HTR4: variants seen among roughly 807,000 people sequenced by gnomAD.
The protein encoded by HTR4 is 5-hydroxytryptamine (serotonin) receptor 4, G protein-coupled.
HTR4 carries 16 observed loss-of-function variants against 36.8 expected under a neutral mutation model. That is an observed-to-expected ratio of 0.43 (90% CI 0.29 to 0.66). The LOEUF (loss-of-function observed/expected upper bound fraction) is 0.66. HTR4 is among the 30% of genes least tolerant of loss of function. HTR4 has a pLI of 0.13. For missense variants in HTR4, 438 were observed against 490.9 expected, an observed-to-expected ratio of 0.89 and a Z score of 1.02; for synonymous variants, 189 against 185.1, an observed-to-expected ratio of 1.02 and a Z score of -0.17.
At chr5:148,596,906 C>T (rs1293384213) in intron 2 of HTR4, among the ~76,000 whole-genome samples, 1 of 152,140 alleles carries the variant, frequency 6.6e-6, no homozygotes, top group East Asian at 1.9e-4. Flanking sequence ...AGCTAATAGC[C>T]TTATGAAATA....
At position 148,528,027 on chromosome 5, in the gene HTR4, G is replaced by A. The variant is rs554621457; in HGVS notation, c.354-4681C>T. On this transcript the variant is annotated intron_variant, in intron 4 of 6. Coordinates refer to ENST00000377888, the MANE Select transcript of HTR4 (RefSeq NM_000870.7). The stretch of plus-strand genomic sequence containing the variant: ...GCTAAGGTGGAATACATCCAAACAT[G>A]CCCAAACACAGATGTAGAAATTTGC... Among the ~76,000 whole-genome samples the A allele has an allele frequency of 7.2e-5, 11 of 152,288 alleles. No homozygotes were observed. In the South Asian group the frequency reaches 2.3e-3, roughly 32 times the overall value.
chr5:148,470,731 C>G (rs1290609692), intron 5 of HTR4, among the ~76,000 whole-genome samples: 1 of 152,156 alleles, frequency 6.6e-6, no homozygotes, highest in Non-Finnish European at 1.5e-5. Flanking sequence ...TTCTGCTGCC[C>G]AGGCTAGAGT....
rs565571691 is a variant in HTR4, at chr5:148,536,105, T to C, written c.353+12563A>G. Among the ~76,000 whole-genome samples, 10 of 152,236 alleles carry C rather than the reference T, an allele frequency of 6.6e-5. No homozygotes were observed. In the South Asian group the frequency reaches 2.1e-3, roughly 32 times the overall value. ...TAATCAACATTCTTAAAGAAATATC[T>C]TCAACCAAGAATTTCATATCCAGCC... On this transcript the variant is annotated intron_variant, in intron 4 of 6. Coordinates refer to ENST00000377888, the MANE Select transcript of HTR4 (RefSeq NM_000870.7).
chr5:148,587,106 G>C (rs1333988098), intron 2 of HTR4, among the ~76,000 whole-genome samples: 1 of 152,098 alleles, frequency 6.6e-6, no homozygotes, highest in Non-Finnish European at 1.5e-5. Context: ...TATCGTACCT[G>C]CTGGACCTCT....
intron 2 of HTR4, among the ~76,000 whole-genome samples, chr5:148,587,693 C>A (rs1483813913): frequency 6.6e-6 from 1 of 152,090 alleles, no homozygotes; most frequent in African/African-American, 2.4e-5. Context: ...TCTTTCCAAG[C>A]AGGGTGTGTG....
chr5:148,557,453 G>A (rs934100847), intron 2 of HTR4, among the ~76,000 whole-genome samples: 11 of 152,192 alleles, frequency 7.2e-5, no homozygotes, highest in Admixed American at 2.0e-4. Flanking sequence ...TAGGACATTC[G>A]AGTGAAGACG....
At chr5:148,542,007 G>A (rs1415304385) in intron 4 of HTR4, among the ~76,000 whole-genome samples, 1 of 151,578 alleles carries the variant, frequency 6.6e-6, no homozygotes, top group East Asian at 1.9e-4. Context: ...CAATTTTACT[G>A]TAATTATCTG....
intron 1 of HTR4, among the ~76,000 whole-genome samples, chr5:148,647,601 C>A (rs893185484): frequency 2.6e-5 from 4 of 152,190 alleles, no homozygotes; most frequent in Non-Finnish European, 1.5e-5. Flanking sequence ...GTAATCCCAG[C>A]ACTTTGGGAG....
intron 4 of HTR4, among the ~76,000 whole-genome samples, chr5:148,540,421 T>TATATATAC (rs1281208092): frequency 1.5e-5 from 2 of 132,676 alleles, no homozygotes; most frequent in African/African-American, 5.8e-5. Context: ...TATATATATA[T>TATATATAC]ATATATATAT....
At position 148,456,566 on chromosome 5, in the gene HTR4, C is replaced by T. The variant is rs41531052; in HGVS notation, c.1077-5294G>A. Among the ~76,000 whole-genome samples, 861 of 152,340 alleles carry T rather than the reference C, an allele frequency of 5.7e-3. 36 individuals carry two copies. The East Asian group carries it at 0.11, about 19-fold the overall frequency. ...GGCATGGTCAAATAAGTTACTCCCACCTCCTTGACACCTTTGTTGTGAAAG... is the reference window on the plus strand; with the variant it reads ...GGCATGGTCAAATAAGTTACTCCCATCTCCTTGACACCTTTGTTGTGAAAG... On this transcript the variant is annotated intron_variant, in intron 5 of 5. Coordinates refer to the HTR4 transcript ENST00000521530.
chr5:148,520,791 G>T (rs1757977138), intron 5 of HTR4: 1 of 1,056,362 alleles, frequency 9.5e-7, no homozygotes, highest in East Asian at 5.3e-5. Flanking sequence ...TTTCCTCCAG[G>T]AATGGTGAAA....
intron 6 of HTR4, among the ~76,000 whole-genome samples, chr5:148,504,259 G>A (rs769803147): frequency 6.6e-6 from 1 of 152,102 alleles, no homozygotes. Context: ...ACACTCTTCA[G>A]CAAACGTAAA....
At chr5:148,631,648 T>C (rs1278096056) in intron 2 of HTR4, among the ~76,000 whole-genome samples, 1 of 152,182 alleles carries the variant, frequency 6.6e-6, no homozygotes, top group Non-Finnish European at 1.5e-5. Flanking sequence ...AAATCAACTT[T>C]TCTGTTTAAA....
intron 2 of HTR4, among the ~76,000 whole-genome samples, chr5:148,627,314 C>T (rs1011957310): frequency 2.0e-5 from 3 of 151,796 alleles, no homozygotes; most frequent in Non-Finnish European, 2.9e-5. Context: ...CTATTACCAA[C>T]ATTTTTTGAA....
chr5:148,618,668 C>T lies in HTR4; in HGVS notation c.26+18321G>A, dbSNP rs147417266. ...ATCCTTTGTTGATTTTAACCTTGCA[C>T]ACACCTTTAACTCATTTGTGCCTGC... On this transcript the variant is annotated intron_variant, in intron 2 of 6. Coordinates refer to ENST00000377888, the MANE Select transcript of HTR4 (RefSeq NM_000870.7). Among the ~76,000 whole-genome samples the T allele has an allele frequency of 5.3e-5, 8 of 152,338 alleles. No individual in the cohort carries two copies. The East Asian group carries it at 1.4e-3, about 26-fold the overall frequency.
intron 5 of HTR4, among the ~76,000 whole-genome samples, chr5:148,454,138 C>A (rs1231783899): frequency 6.6e-6 from 1 of 152,188 alleles, no homozygotes; most frequent in African/African-American, 2.4e-5. Flanking sequence ...CCCATTCAGG[C>A]TCTACCACTT....
intron 1 of HTR4, among the ~76,000 whole-genome samples, chr5:148,649,494 T>TA (rs1157615407): frequency 1.3e-5 from 2 of 152,182 alleles, no homozygotes; most frequent in African/African-American, 4.8e-5. Context: ...TTTCTTAACT[T>TA]AGACTCTTCA....
rs929354369 is a variant in HTR4 at position 148,595,081 on chromosome 5, G to T, written c.26+41908C>A. On this transcript the variant is annotated intron_variant, in intron 2 of 6. Transcript: ENST00000377888. Reference sequence around the variant, plus strand: ...TGTTATACTTTTTTCTCTGAAAACAGTTTTTTTTTTTTTAACCAAATGGGA... The same window carrying T: ...TGTTATACTTTTTTCTCTGAAAACATTTTTTTTTTTTTTAACCAAATGGGA... Among the ~76,000 whole-genome samples the T allele has an allele frequency of 5.5e-5, 8 of 145,042 alleles. No individual in the cohort carries two copies. The South Asian group carries it at 6.6e-4, about 12-fold the overall frequency.
At position 148,549,812 on chromosome 5, in the gene HTR4, C is replaced by A. The variant is rs77953948; in HGVS notation, c.152+325G>T. On this transcript the variant is annotated intron_variant, in intron 3 of 6. Coordinates refer to ENST00000377888, the MANE Select transcript of HTR4 (RefSeq NM_000870.7). Reference sequence around the variant, plus strand: ...AATTTCTAGATCTGTCCCTTGTCAGCCACATCTTCCCTAAACCATTAATAA... The same window carrying A: ...AATTTCTAGATCTGTCCCTTGTCAGACACATCTTCCCTAAACCATTAATAA... Among the ~76,000 whole-genome samples, 123 of 152,250 alleles carry A rather than the reference C, an allele frequency of 8.1e-4. 1 individual carries two copies. The East Asian group carries it at 0.022, about 27-fold the overall frequency.
Sources: allele counts gnomAD v4.1 joint callset (sites outside exome capture counted in the v4.1 genomes callset), GRCh38; gene constraint gnomAD v4.1.1; transcripts MANE v1.5; gene names NCBI Gene and HGNC (gene_info 2026-07-23, HGNC 2026-07-21).